NLGN1: variants seen among roughly 807,000 people sequenced by gnomAD.
The protein encoded by NLGN1 is neuroligin 1, also known as neuroligin-1.
A neutral mutation model predicts 65.5 loss-of-function variants in NLGN1; 12 were observed. That is an observed-to-expected ratio of 0.18 (90% CI 0.12 to 0.30). NLGN1 has a LOEUF of 0.30. NLGN1 is among the 10% of genes least tolerant of loss of function. NLGN1 has a pLI of 1.00. For synonymous variants in NLGN1, 350 were observed against 359.5 expected (o/e 0.97, Z 0.30); for missense variants, 750 against 1,007.1 (o/e 0.74, Z 3.46).
chr3:173,973,330 T>C (rs1398506769), intron 4 of NLGN1, among the ~76,000 whole-genome samples: 1 of 152,104 alleles, frequency 6.6e-6, no homozygotes, highest in Non-Finnish European at 1.5e-5. Context: ...TTTAGTCCCT[T>C]GCCACAAGCC....
chr3:173,433,207 C>T (rs568432804), intron 1 of NLGN1, among the ~76,000 whole-genome samples: 15 of 152,298 alleles, frequency 9.8e-5, no homozygotes, highest in South Asian at 2.1e-4. Flanking sequence ...AGATGTCCTC[C>T]GCACCCCACC....
At chr3:173,679,088 A>AACC (rs1316692191) in intron 3 of NLGN1, among the ~76,000 whole-genome samples, 1 of 151,832 alleles carries the variant, frequency 6.6e-6, no homozygotes, top group African/African-American at 2.4e-5. Context: ...TGTCAGTGCA[A>AACC]AGATTTTTCA....
chr3:173,909,666 A>AT (rs1373913139), intron 4 of NLGN1, among the ~76,000 whole-genome samples: 4 of 151,968 alleles, frequency 2.6e-5, no homozygotes, highest in Non-Finnish European at 5.9e-5. Context: ...TTATTTATTT[A>AT]TTTATTTATT....
At chr3:173,640,003 G>A (rs115410069) in intron 3 of NLGN1, among the ~76,000 whole-genome samples, 2,702 of 150,628 alleles carry the variant, frequency 0.018, 34 homozygotes, top group Middle Eastern at 0.041. Context: ...TTTATTGAAA[G>A]TCTAAACTGC....
intron 4 of NLGN1, among the ~76,000 whole-genome samples, chr3:174,169,451 C>T (rs1465623346): frequency 6.6e-6 from 1 of 151,368 alleles, no homozygotes; most frequent in Non-Finnish European, 1.5e-5. Context: ...GATCTGTGCA[C>T]AGTAAGGGTG....
chr3:173,820,669 G>A (rs1255914952), intron 4 of NLGN1, among the ~76,000 whole-genome samples: 2 of 152,082 alleles, frequency 1.3e-5, no homozygotes, highest in Non-Finnish European at 2.9e-5. Flanking sequence ...TGAAATAACA[G>A]TTATGTAAAT....
intron 3 of NLGN1, among the ~76,000 whole-genome samples, chr3:173,700,407 A>G (rs143916144): frequency 7.2e-5 from 11 of 152,358 alleles, no homozygotes; most frequent in African/African-American, 2.6e-4. Context: ...AGATGTATTC[A>G]GGTCTCTGTA....
At chr3:173,640,952 G>A (rs886176800) in intron 3 of NLGN1, among the ~76,000 whole-genome samples, 3 of 151,948 alleles carry the variant, frequency 2.0e-5, no homozygotes, top group Non-Finnish European at 2.9e-5. Context: ...TTGAACACTT[G>A]GTTAAGACAG....
At chr3:174,214,916 A>G (rs528724072) in intron 4 of NLGN1, among the ~76,000 whole-genome samples, 19 of 152,312 alleles carry the variant, frequency 1.2e-4, no homozygotes, top group African/African-American at 3.4e-4. Flanking sequence ...ACCTGAAGCA[A>G]TGTAATTTTT....
chr3:173,624,905 A>G (rs1754590815), intron 3 of NLGN1, among the ~76,000 whole-genome samples: 1 of 151,030 alleles, frequency 6.6e-6, no homozygotes, highest in Admixed American at 6.6e-5. Context: ...GCTTTCAGAT[A>G]GTTCCTAAAA....
At chr3:173,950,539 G>A (rs1747992622) in intron 4 of NLGN1, among the ~76,000 whole-genome samples, 1 of 152,138 alleles carries the variant, frequency 6.6e-6, no homozygotes, top group Non-Finnish European at 1.5e-5. Flanking sequence ...ACAACTGGGT[G>A]TGGTGGCTCA....
At chr3:174,216,405 A>G (rs1737606812) in intron 4 of NLGN1, among the ~76,000 whole-genome samples, 1 of 152,122 alleles carries the variant, frequency 6.6e-6, no homozygotes, top group African/African-American at 2.4e-5. Flanking sequence ...ATCAATTATT[A>G]TTTCATTCTT....
intron 2 of NLGN1, among the ~76,000 whole-genome samples, chr3:173,471,870 AATAG>A (rs556060894): frequency 6.8e-4 from 104 of 152,264 alleles, no homozygotes; most frequent in African/African-American, 2.3e-3. Context: ...TTCCTATCTA[AATAG>A]ATAGATTTAT....
chr3:173,986,772 G>C (rs1008631884), intron 4 of NLGN1, among the ~76,000 whole-genome samples: 1 of 152,192 alleles, frequency 6.6e-6, no homozygotes, highest in Non-Finnish European at 1.5e-5. Flanking sequence ...TCAATTGCCA[G>C]CTAAATTCCT....
At chr3:174,281,793 A>T (rs1267905688) in exon 7 of NLGN1, 1 of 153,278 alleles carries the variant, frequency 6.5e-6, no homozygotes, top group Non-Finnish European at 1.5e-5. Flanking sequence ...GCCTTAGCAA[A>T]GGCTCATGCT....
At chr3:173,788,013 C>T (rs1212294316) in intron 3 of NLGN1, among the ~76,000 whole-genome samples, 1 of 151,906 alleles carries the variant, frequency 6.6e-6, no homozygotes, top group Non-Finnish European at 1.5e-5. Flanking sequence ...CATCCAGAAT[C>T]TCTTTCTTAT....
intron 4 of NLGN1, among the ~76,000 whole-genome samples, chr3:174,008,526 A>G (rs1724901211): frequency 5.9e-5 from 9 of 151,948 alleles, no homozygotes; most frequent in Admixed American, 5.9e-4. Flanking sequence ...TGCCTTAAAC[A>G]CAAAGCAAGA....
chr3:173,573,819 T>C (rs1745036850), intron 2 of NLGN1, among the ~76,000 whole-genome samples: 1 of 150,890 alleles, frequency 6.6e-6, no homozygotes, highest in African/African-American at 2.4e-5. Flanking sequence ...ATCCCAGCAC[T>C]TAAGGAGACT....
chr3:173,871,727 G>A (rs1468952611), intron 4 of NLGN1, among the ~76,000 whole-genome samples: 2 of 152,148 alleles, frequency 1.3e-5, no homozygotes, highest in Non-Finnish European at 2.9e-5. Context: ...GCTGGCTGGA[G>A]CCTGCATATT....
Sources: gnomAD v4.1 joint callset for allele counts (sites outside exome capture counted in the v4.1 genomes callset) on GRCh38, gnomAD v4.1.1 for gene constraint, MANE v1.5 for transcripts, NCBI Gene and HGNC (gene_info 2026-07-23, HGNC 2026-07-21) for gene names.